TIPRL: variants seen among roughly 807,000 people sequenced by gnomAD.
TIPRL encodes TOR signaling pathway regulator, also known as TIP41-like protein.
TIPRL carries 10 observed loss-of-function variants against 32.3 expected under a neutral mutation model. That is an observed-to-expected ratio of 0.31 (90% CI 0.19 to 0.52). The LOEUF is 0.52. Among genes scored for constraint, TIPRL ranks in the 20% least tolerant of loss-of-function variants. The pLI is 0.96. For missense variants in TIPRL, 250 were observed against 328.1 expected (o/e 0.76, Z 1.84); for synonymous variants, 100 against 114.0 (o/e 0.88, Z 0.78).
At chr1:168,185,520 C>T (rs1399659539) in intron 3 of TIPRL, among the ~76,000 whole-genome samples, 2 of 151,962 alleles carry the variant, frequency 1.3e-5, no homozygotes, top group Non-Finnish European at 2.9e-5. Flanking sequence ...CGCCTGTAAT[C>T]CCAGCACTTT....
At chr1:168,196,758 CTGTTAAGTCTGAG>C (rs1259941693) in intron 5 of TIPRL, 116 bp downstream of exon 5, 1 of 581,994 alleles carries the variant, frequency 1.7e-6, no homozygotes, top group Non-Finnish European at 2.7e-6. Flanking sequence ...GTCTTTCTAA[CTGTTAAGTCTGAG>C]TGTTTCACAT....
At chr1:168,189,099 G>A (rs905661568) in intron 3 of TIPRL, among the ~76,000 whole-genome samples, 2 of 152,192 alleles carry the variant, frequency 1.3e-5, no homozygotes, top group African/African-American at 2.4e-5. Context: ...AGCAGTGATG[G>A]CACCAAAAGC....
chr1:168,191,091 C>T (rs1448604321), intron 3 of TIPRL, among the ~76,000 whole-genome samples: 1 of 152,150 alleles, frequency 6.6e-6, no homozygotes, highest in East Asian at 1.9e-4. Flanking sequence ...ATAGTCACAA[C>T]AGAAGTTGAT....
At chr1:168,191,818 G>A (rs1442228766) in intron 4 of TIPRL, among the ~76,000 whole-genome samples, 2 of 136,978 alleles carry the variant, frequency 1.5e-5, no homozygotes, top group Middle Eastern at 4.9e-3. Context: ...CTTGCAGTGA[G>A]CCAGGATCAC....
chr1:168,190,199 C>T (rs759055991), intron 3 of TIPRL, among the ~76,000 whole-genome samples: 7 of 152,192 alleles, frequency 4.6e-5, no homozygotes, highest in Non-Finnish European at 7.3e-5. Flanking sequence ...CACTCCAACT[C>T]CCTTCCCCTC....
At chr1:168,187,104 G>A (rs1284770229) in intron 3 of TIPRL, among the ~76,000 whole-genome samples, 1 of 152,180 alleles carries the variant, frequency 6.6e-6, no homozygotes, top group African/African-American at 2.4e-5. Context: ...AATGCTAGGA[G>A]CCTTGGATAC....
intron 1 of TIPRL, among the ~76,000 whole-genome samples, chr1:168,183,051 C>T (rs190672623): frequency 6.6e-6 from 1 of 152,114 alleles, no homozygotes; most frequent in African/African-American, 2.4e-5. Context: ...CAGAAATACA[C>T]GTTTAGATGT....
chr1:168,179,249 C>G, intron 1 of TIPRL, 68 bp downstream of exon 1: 1 of 1,388,164 alleles, frequency 7.2e-7, no homozygotes, highest in Middle Eastern at 1.9e-4. Flanking sequence ...GCAGGGCGAA[C>G]TCTGTGCAGC....
At chr1:168,191,858 C>CGAAAAAAAAA (rs1558164787) in intron 4 of TIPRL, among the ~76,000 whole-genome samples, 1 of 38,902 alleles carries the variant, frequency 2.6e-5, no homozygotes, top group South Asian at 9.6e-4. Flanking sequence ...GGCGACAGAG[C>CGAAAAAAAAA]AAAAAAAAAA....
intron 5 of TIPRL, among the ~76,000 whole-genome samples, chr1:168,197,343 G>A (rs1411200452): frequency 1.3e-5 from 2 of 151,410 alleles, no homozygotes; most frequent in Admixed American, 6.6e-5. Flanking sequence ...GGCAGAATTG[G>A]AATTTGAACC....
intron 3 of TIPRL, among the ~76,000 whole-genome samples, chr1:168,190,650 A>C (rs1462201564): frequency 6.6e-6 from 1 of 152,194 alleles, no homozygotes; most frequent in African/African-American, 2.4e-5. Context: ...TAGTGAAATT[A>C]GGTGTGGTAG....
At position 168,196,525 on chromosome 1, in the gene TIPRL, G is replaced by A. The variant is rs748772897; in HGVS notation, c.517-22G>A. 44 of 1,368,232 alleles carry A rather than the reference G, an allele frequency of 3.2e-5. No individual in the cohort carries two copies. The Middle Eastern group carries it at 3.0e-3, about 93-fold the overall frequency. The allele number at this position is 1,368,232 out of a possible 1,614,324, so 84.8% of individuals were successfully genotyped here. On this transcript the variant is annotated intron_variant, in intron 4 of 6. Transcript: ENST00000367833. Reference sequence around the variant, plus strand: ...GTTTAATTTTTATTAAAATATTAATGTACCTTTTTTTTTTTTTCCAGAGAG... The same window carrying A: ...GTTTAATTTTTATTAAAATATTAATATACCTTTTTTTTTTTTTCCAGAGAG...
Position 168,196,581 on chromosome 1 carries a change from G to A in TIPRL, c.551G>A (p.Arg184Gln), listed in dbSNP as rs762161696. The change falls in exon 5 of 7, where the codon CGG becomes CAG. Residue 184 changes from arginine to glutamine, a missense_variant. Transcript: ENST00000367833. ...VMPSSFFLLL[R>Q]FFLRIDGVLI... is the part of the protein sequence containing the mutation. ...CCTTCTAGCTTTTTCCTGCTGTTGC[G>A]GTTTTTCTTGAGAATTGATGGGGTG... 57 of 1,597,288 alleles carry A rather than the reference G, an allele frequency of 3.6e-5. No individual in the cohort carries two copies. The highest frequency in any genetic ancestry group is 4.7e-5 in the Non-Finnish European group (55 of 1,172,274).
At chr1:168,187,554 A>G (rs1414338351) in intron 3 of TIPRL, among the ~76,000 whole-genome samples, 1 of 152,238 alleles carries the variant, frequency 6.6e-6, no homozygotes, top group African/African-American at 2.4e-5. Flanking sequence ...GCTTTGGCAA[A>G]ACACAGATCT....
chr1:168,196,877 G>A (rs1700160364), intron 5 of TIPRL, among the ~76,000 whole-genome samples: 1 of 152,162 alleles, frequency 6.6e-6, no homozygotes, highest in Non-Finnish European at 1.5e-5. Flanking sequence ...TCCCTAATTG[G>A]GGAGGGGTCT....
At chr1:168,185,763 C>T (rs1700019391) in intron 3 of TIPRL, among the ~76,000 whole-genome samples, 1 of 122,654 alleles carries the variant, frequency 8.2e-6, no homozygotes, top group African/African-American at 3.1e-5. Flanking sequence ...GAGTGAGACT[C>T]TGTCTCAAAA....
chr1:168,182,667 T>TA (rs1247136771), intron 1 of TIPRL, among the ~76,000 whole-genome samples: 2 of 152,220 alleles, frequency 1.3e-5, no homozygotes, highest in African/African-American at 4.8e-5. Context: ...TAAGAAACTC[T>TA]ATATTTAGAA....
At chr1:168,182,351 C>T (rs1362974437) in intron 1 of TIPRL, among the ~76,000 whole-genome samples, 5 of 151,406 alleles carry the variant, frequency 3.3e-5, no homozygotes, top group Admixed American at 6.6e-5. Context: ...TCAGGCCGGG[C>T]GCGGTGACTC....
chr1:168,199,726 C>G (rs948726755), intron 6 of TIPRL, among the ~76,000 whole-genome samples, 177 bp from the exon 7 acceptor site: 1 of 152,096 alleles, frequency 6.6e-6, no homozygotes, highest in African/African-American at 2.4e-5. Context: ...TGAAATCATT[C>G]AGTAACAAAG....
Sources: gnomAD v4.1 joint callset for allele counts (sites outside exome capture counted in the v4.1 genomes callset) on GRCh38, gnomAD v4.1.1 for gene constraint, MANE v1.5 for transcripts, NCBI Gene and HGNC (gene_info 2026-07-23, HGNC 2026-07-21) for gene names.